ECE1: variants seen among roughly 807,000 people sequenced by gnomAD.
ECE1 encodes endothelin-converting enzyme 1.
A neutral mutation model predicts 98.6 loss-of-function variants in ECE1; 35 were observed. The observed-to-expected ratio is 0.35, with a 90% CI of 0.27 to 0.47. The LOEUF is 0.47. ECE1 is among the 20% of genes least tolerant of loss of function. The pLI, the probability that ECE1 is intolerant of heterozygous loss-of-function variation, is 1.00. For synonymous variants in ECE1, 394 were observed against 407.1 expected (o/e 0.97, Z 0.39); for missense variants, 814 against 1,025.3 (o/e 0.79, Z 2.81).
chr1:21,282,972 T>C (rs2098256614), intron 2 of ECE1, among the ~76,000 whole-genome samples: 2 of 144,458 alleles, frequency 1.4e-5, no homozygotes, highest in South Asian at 4.4e-4. Flanking sequence ...GACGGAGTCT[T>C]GCTTTCTCAC....
rs1258084005 is a variant in ECE1 at position 21,260,465 on chromosome 1, TTTCGGAGCC to T, written c.494-82_494-74del. 2.5e-6 allele frequency: 4 copies of T among 1,582,440 alleles called. No individual in the cohort carries two copies. Among genetic ancestry groups the T allele is most frequent in the Non-Finnish European group, 3.5e-6 (4 of 1,153,118 alleles). On this transcript the variant is annotated intron_variant, in intron 4 of 18. Coordinates refer to ENST00000374893, the MANE Select transcript of ECE1 (RefSeq NM_001397.3). The surrounding 1 kb of genome is among the most constrained non-coding windows in gnomAD (Gnocchi z 4.3). ...TGGGTGGCTTTGGGGCAGTCCCTCT[TTTCGGAGCC>T]TTGGTGTTCTCAGCTGCAAAGGAGC...
Position 21,345,384 on chromosome 1 carries a change from G to C in ECE1, c.-6C>G, listed in dbSNP as rs749023662. 21 of 1,340,120 alleles carry C rather than the reference G, an allele frequency of 1.6e-5. No homozygotes were observed. Among genetic ancestry groups the C allele is most frequent in the South Asian group, 1.3e-4 (7 of 55,936 alleles). The allele number at this position is 1,340,120 out of a possible 1,614,324, so 83.0% of individuals were successfully genotyped here. ...CCGCGCGCAGCACTCACCATAGCTC[G>C]CGTGCTCCGCCCCGGCTTCGCGCAG... On this transcript the variant is annotated 5_prime_UTR_variant, in exon 1 of 19. Coordinates refer to the ECE1 transcript ENST00000415912. This position sits in a 1 kb window ranked among gnomAD's most constrained non-coding sequence, Gnocchi z 5.1.
At chr1:21,222,487 T>C (rs1169052274) in intron 17 of ECE1, among the ~76,000 whole-genome samples, 1 of 152,142 alleles carries the variant, frequency 6.6e-6, no homozygotes, top group African/African-American at 2.4e-5. Context: ...AGTGAGCACA[T>C]TGGGATTTGT....
Position 21,225,579 on chromosome 1 carries a change from G to T in ECE1, c.1850-139C>A. ...CACCATGGGGAGACGAGGTCCCTGT[G>T]AGTGCCGAGGGACGTGGATGTGGTG... is the stretch of plus-strand genomic sequence containing the variant. On this transcript the variant is annotated intron_variant, in intron 16 of 18. Transcript: ENST00000374893. The surrounding 1 kb of genome is among the most constrained non-coding windows in gnomAD (Gnocchi z 5.3). The T allele has an allele frequency of 1.1e-6, 1 of 940,176 alleles. No individual in the cohort carries two copies. The highest frequency in any genetic ancestry group is 1.6e-6 in the Non-Finnish European group (1 of 627,718). 58.2% of individuals were successfully genotyped at this position (940,176 alleles called of 1,614,324 possible).
chr1:21,316,725 C>T (rs1167126126), intron 1 of ECE1, among the ~76,000 whole-genome samples: 2 of 152,156 alleles, frequency 1.3e-5, no homozygotes, highest in African/African-American at 4.8e-5. Flanking sequence ...CCTGGATAAA[C>T]CACAGGAGAG....
chr1:21,222,312 C>T (rs1277950384), intron 17 of ECE1, among the ~76,000 whole-genome samples: 1 of 152,168 alleles, frequency 6.6e-6, no homozygotes, highest in East Asian at 1.9e-4. Context: ...GCTCCGCTCC[C>T]CCTTCCCATT....
At chr1:21,240,784 G>T (rs1033258876) in intron 10 of ECE1, among the ~76,000 whole-genome samples, 3 of 152,226 alleles carry the variant, frequency 2.0e-5, no homozygotes, top group African/African-American at 4.8e-5. Flanking sequence ...GGACGAGGGG[G>T]ACTCTAATTT....
At chr1:21,334,789 T>A (rs1057318543) in intron 1 of ECE1, among the ~76,000 whole-genome samples, 19 of 152,016 alleles carry the variant, frequency 1.2e-4, no homozygotes, top group African/African-American at 4.6e-4. Context: ...CTCTCTCCCA[T>A]CCCTGAAGTA....
intron 2 of ECE1, among the ~76,000 whole-genome samples, chr1:21,281,834 T>C (rs952670084): frequency 6.6e-6 from 1 of 152,182 alleles, no homozygotes; most frequent in African/African-American, 2.4e-5. Context: ...GTAGCTGAGA[T>C]TACAGGCATG....
intron 1 of ECE1, among the ~76,000 whole-genome samples, chr1:21,320,280 C>T (rs998943236): frequency 3.3e-5 from 5 of 152,312 alleles, no homozygotes; most frequent in Admixed American, 1.3e-4. Flanking sequence ...AACAGGTCAC[C>T]GGACTTCTCA....
chr1:21,243,118 G>A (rs563401355), intron 10 of ECE1, among the ~76,000 whole-genome samples: 2 of 152,328 alleles, frequency 1.3e-5, no homozygotes, highest in South Asian at 2.1e-4. Flanking sequence ...AATCAGATAG[G>A]CTGGATTTCA....
Position 21,345,351 on chromosome 1 carries a change from C to A in ECE1, c.3+25G>T. ...ACCGTCGAGGCTGGGCTGGACCGGA[C>A]CAGACCTCCGCGCGCAGCACTCACC... On this transcript the variant is annotated intron_variant, in intron 1 of 18. Transcript: ENST00000415912. The surrounding 1 kb of genome is among the most constrained non-coding windows in gnomAD (Gnocchi z 5.1). The A allele has an allele frequency of 7.3e-7, 1 of 1,361,026 alleles. No homozygotes were observed. The highest frequency in any genetic ancestry group is 9.5e-7 in the Non-Finnish European group (1 of 1,048,208). The allele number at this position is 1,361,026 out of a possible 1,614,324, so 84.3% of individuals were successfully genotyped here. A position where few individuals can be genotyped will look rare whatever the true frequency, so the allele number is the denominator to read the frequency against.
rs374866976 is a variant in ECE1, at chr1:21,273,346, C to CGTGTGTGCGT, written c.281-436_281-435insACGCACACAC. Among the ~76,000 whole-genome samples, 457 of 133,144 alleles carry CGTGTGTGCGT rather than the reference C, an allele frequency of 3.4e-3. 1 individual carries two copies. The highest frequency in any genetic ancestry group is 0.013 in the African/African-American group (436 of 32,392). 87.3% of individuals were successfully genotyped at this position (133,144 alleles called of 152,430 possible). On this transcript the variant is annotated intron_variant, in intron 3 of 18. Transcript: ENST00000374893. ...GAAAGTGTGTGCCCGTGCGTGTGTG[C>CGTGTGTGCGT]GTGTGTGTGTGTGTGTGTGTGTGTG...
intron 1 of ECE1, among the ~76,000 whole-genome samples, chr1:21,311,675 C>T (rs1280322473): frequency 4.0e-5 from 6 of 151,460 alleles, no homozygotes; most frequent in Non-Finnish European, 7.4e-5. Flanking sequence ...AATTAGCAGG[C>T]GTGGTGGTGC....
In ECE1 at chr1:21,233,184, T is replaced by G; in HGVS notation, c.1670+374A>C. The G allele has an allele frequency of 4.6e-6, 1 of 216,408 alleles. No homozygotes were observed. The highest frequency in any genetic ancestry group is 7.2e-5 in the South Asian group (1 of 13,948). The allele number at this position is 216,408 out of a possible 1,614,324, so 13.4% of individuals were successfully genotyped here. A position where few individuals can be genotyped will look rare whatever the true frequency, so the allele number is the denominator to read the frequency against. On this transcript the variant is annotated intron_variant, in intron 14 of 18. Transcript: ENST00000374893. The surrounding 1 kb of genome is among the most constrained non-coding windows in gnomAD (Gnocchi z 4.0). ...GGGGTCTGGCGCTCCCCAGAGGTCC[T>G]CACATTTGACTGCCATGAGGACCCC... is the stretch of plus-strand genomic sequence containing the variant.
chr1:21,272,297 T>C (rs1341982866), intron 4 of ECE1, among the ~76,000 whole-genome samples: 1 of 152,150 alleles, frequency 6.6e-6, no homozygotes, highest in Non-Finnish European at 1.5e-5. Context: ...AGGCTCCTCT[T>C]TTCTTGTTTT....
intron 14 of ECE1, among the ~76,000 whole-genome samples, chr1:21,231,492 C>T (rs2098181681): frequency 1.3e-5 from 2 of 152,032 alleles, no homozygotes; most frequent in South Asian, 2.1e-4. Flanking sequence ...CAGGTGTCTA[C>T]CACCATGCGT....
chr1:21,315,903 G>C (rs1638821862), intron 1 of ECE1, among the ~76,000 whole-genome samples: 1 of 151,976 alleles, frequency 6.6e-6, no homozygotes, highest in Non-Finnish European at 1.5e-5. Context: ...AAGAGTGCTG[G>C]TTCTGGAGTC....
intron 4 of ECE1, among the ~76,000 whole-genome samples, chr1:21,265,817 A>C (rs977700127): frequency 6.6e-6 from 1 of 152,150 alleles, no homozygotes; most frequent in Non-Finnish European, 1.5e-5. Flanking sequence ...GGCAAAGAAG[A>C]AGCCAACACC....
Sources: gnomAD v4.1 joint callset for allele counts (sites outside exome capture counted in the v4.1 genomes callset) on GRCh38, gnomAD v4.1.1 for gene constraint, Gnocchi (gnomAD v3.1) non-coding constraint, MANE v1.5 for transcripts, NCBI Gene and HGNC (gene_info 2026-07-23, HGNC 2026-07-21) for gene names.